Variants in SLC9C1 observed in about 807,000 individuals in gnomAD.
SLC9C1 encodes the protein solute carrier family 9 member C1.
Under a neutral mutation model 140.9 loss-of-function variants are expected in SLC9C1, and 97 were observed. The observed-to-expected ratio is 0.69, with a 90% CI of 0.58 to 0.82. The LOEUF (loss-of-function observed/expected upper bound fraction) is 0.82. SLC9C1 is among the 40% of genes least tolerant of loss of function. The pLI is 0.00. For missense variants in SLC9C1, 1,340 were observed against 1,389.3 expected (o/e 0.96, Z 0.56); for synonymous variants, 440 against 442.6 (o/e 0.99, Z 0.07).
At chr3:112,223,826 A>G (rs2078607222) in intron 13 of SLC9C1, among the ~76,000 whole-genome samples, 1 of 152,234 alleles carries the variant, frequency 6.6e-6, no homozygotes, top group Non-Finnish European at 1.5e-5. Flanking sequence ...CTGAAGACAT[A>G]CAGATAAATA....
intron 19 of SLC9C1, among the ~76,000 whole-genome samples, chr3:112,199,820 T>C (rs1405607585): frequency 6.6e-6 from 1 of 152,032 alleles, no homozygotes; most frequent in African/African-American, 2.4e-5. Context: ...TCTGTGTGAA[T>C]CAGAATTTTT....
chr3:112,198,411 T>C lies in SLC9C1; in HGVS notation c.2523+910A>G, dbSNP rs567421968. Among the ~76,000 whole-genome samples, 4 of 152,130 alleles carry C rather than the reference T, an allele frequency of 2.6e-5. No individual in the cohort carries two copies. In the East Asian group the frequency reaches 7.7e-4, roughly 29 times the overall value. On this transcript the variant is annotated intron_variant, in intron 20 of 28. Transcript: ENST00000305815. ...CCAAAATTTTCATCTTTCAATTTTC[T>C]TTCTTTTTTTTCTTGACTTGGATAA...
chr3:112,151,208 G>T (rs954528560), intron 28 of SLC9C1: 2 of 425,218 alleles, frequency 4.7e-6, no homozygotes, highest in Non-Finnish European at 9.2e-6. Context: ...TTAGTGATAT[G>T]ATTTATGTAA....
Position 112,271,393 on chromosome 3 carries a change from G to GTATATA in SLC9C1, c.614-1322_614-1317dup, listed in dbSNP as rs57918598. On this transcript the variant is annotated intron_variant, in intron 6 of 28. Coordinates refer to ENST00000305815, the MANE Select transcript of SLC9C1 (RefSeq NM_183061.3). ...TAGTTTGATTTAATCATTCTACATT[G>GTATATA]TATATATATATATATATCAAAGCCT... Among the ~76,000 whole-genome samples, 204 of 125,594 alleles carry GTATATA rather than the reference G, an allele frequency of 1.6e-3. 14 individuals are homozygous for GTATATA. The East Asian group carries it at 0.017, about 11-fold the overall frequency. 82.4% of individuals were successfully genotyped at this position (125,594 alleles called of 152,430 possible).
At chr3:112,201,591 C>T (rs532887879) in intron 18 of SLC9C1, among the ~76,000 whole-genome samples, 10 of 152,042 alleles carry the variant, frequency 6.6e-5, no homozygotes, top group Middle Eastern at 6.8e-3. Flanking sequence ...GGGCACATAT[C>T]GGTTTTAATC....
chr3:112,254,476 T>A (rs1461584180), intron 10 of SLC9C1, among the ~76,000 whole-genome samples: 1 of 151,022 alleles, frequency 6.6e-6, no homozygotes, highest in South Asian at 2.1e-4. Flanking sequence ...TAATTTCATA[T>A]CCAGCCAAAC....
At chr3:112,166,433 C>T (rs1296419222) in intron 26 of SLC9C1, among the ~76,000 whole-genome samples, 1 of 152,188 alleles carries the variant, frequency 6.6e-6, no homozygotes, top group African/African-American at 2.4e-5. Context: ...AGCTGGAGAG[C>T]TCCACATGGC....
intron 1 of SLC9C1, among the ~76,000 whole-genome samples, chr3:112,288,932 T>C (rs1321059297): frequency 1.3e-5 from 2 of 152,164 alleles, no homozygotes; most frequent in African/African-American, 4.8e-5. Flanking sequence ...TATTATTTTT[T>C]GGAATTACCT....
intron 14 of SLC9C1, among the ~76,000 whole-genome samples, chr3:112,219,091 A>G (rs749192455): frequency 1.3e-5 from 2 of 152,250 alleles, no homozygotes; most frequent in African/African-American, 2.4e-5. Flanking sequence ...AAAGTGTTTA[A>G]AACTGTACCT....
In SLC9C1 at chr3:112,204,418, G is replaced by A; in HGVS notation, c.1987-15C>T. 1 of 1,544,166 alleles carries A rather than the reference G, an allele frequency of 6.5e-7. No individual in the cohort carries two copies. The highest frequency in any genetic ancestry group is 8.7e-7 in the Non-Finnish European group (1 of 1,156,006). On this transcript the variant is annotated splice_polypyrimidine_tract_variant and intron_variant, in intron 16 of 28. Transcript: ENST00000305815. ...ATTGCTGCTATCTGTTGATTTAAAA[G>A]GAAATTACATTATCATGTTTGTTTC...
At chr3:112,216,353 A>G (rs2078368358) in intron 15 of SLC9C1, among the ~76,000 whole-genome samples, 1 of 152,198 alleles carries the variant, frequency 6.6e-6, no homozygotes, top group Non-Finnish European at 1.5e-5. Flanking sequence ...AAAATTGACA[A>G]ATGGGATCTA....
intron 20 of SLC9C1, among the ~76,000 whole-genome samples, chr3:112,187,481 T>C (rs2077561155): frequency 6.6e-6 from 1 of 152,128 alleles, no homozygotes; most frequent in Admixed American, 6.6e-5. Flanking sequence ...TGGTTTCAAT[T>C]TGTACAAGGC....
At chr3:112,185,510 A>C in intron 20 of SLC9C1, 11 of 1,612,148 alleles carry the variant, frequency 6.8e-6, no homozygotes, top group Non-Finnish European at 9.3e-6. Context: ...CTCCTTTTTC[A>C]GGTACAAAGA....
chr3:112,188,128 G>T (rs2077574580), intron 20 of SLC9C1, among the ~76,000 whole-genome samples: 1 of 152,054 alleles, frequency 6.6e-6, no homozygotes, highest in Admixed American at 6.5e-5. Flanking sequence ...GGACATATAG[G>T]CTGTTTATAA....
At position 112,221,226 on chromosome 3, in the gene SLC9C1, C is replaced by A. The variant is rs2078532856; in HGVS notation, c.1573-1G>T. 1 of 1,611,936 alleles carries A rather than the reference C, an allele frequency of 6.2e-7. No individual in the cohort carries two copies. Among genetic ancestry groups the A allele is most frequent in the South Asian group, 1.1e-5 (1 of 90,776 alleles). ...TCCTGTATTGTCTCTGGTAGCTTGCCTAAAAAAATATTAATTCAAGTCATT... is the reference window on the plus strand; with the variant it reads ...TCCTGTATTGTCTCTGGTAGCTTGCATAAAAAAATATTAATTCAAGTCATT... On this transcript the variant is annotated splice_acceptor_variant, in intron 13 of 28. Coordinates refer to ENST00000305815, the MANE Select transcript of SLC9C1 (RefSeq NM_183061.3). LOFTEE classifies it high-confidence loss of function.
intron 10 of SLC9C1, among the ~76,000 whole-genome samples, chr3:112,254,114 T>C (rs952791814): frequency 5.9e-5 from 9 of 152,188 alleles, no homozygotes; most frequent in African/African-American, 2.2e-4. Flanking sequence ...CTACAAATTA[T>C]TGGCATCCCT....
chr3:112,205,547 A>G (rs1353403679), intron 16 of SLC9C1, among the ~76,000 whole-genome samples: 2 of 86,040 alleles, frequency 2.3e-5, no homozygotes, highest in Admixed American at 1.4e-4. Flanking sequence ...AATTGGAAAA[A>G]ACTACTTTAA....
chr3:112,224,256 C>T (rs1280993994), intron 13 of SLC9C1, among the ~76,000 whole-genome samples: 6 of 152,088 alleles, frequency 3.9e-5, no homozygotes, highest in Admixed American at 3.9e-4. Context: ...CTATTGTATC[C>T]ACCCAGTAAA....
intron 28 of SLC9C1, among the ~76,000 whole-genome samples, chr3:112,141,523 C>A (rs2074622354): frequency 6.6e-6 from 1 of 152,040 alleles, no homozygotes; most frequent in Non-Finnish European, 1.5e-5. Context: ...CTGAAGCGTG[C>A]TAAAATGAAC....
Sources: allele counts gnomAD v4.1 joint callset (sites outside exome capture counted in the v4.1 genomes callset), GRCh38; gene constraint gnomAD v4.1.1; transcripts MANE v1.5; gene names NCBI Gene and HGNC (gene_info 2026-07-23, HGNC 2026-07-21).